Variants in EDIL3 observed in about 807,000 individuals in gnomAD.
EDIL3 encodes the protein EGF like and discoidin domains 3.
Under a neutral mutation model 67.4 loss-of-function variants are expected in EDIL3, and 37 were observed. The ratio of observed to expected loss-of-function variants is 0.55; its 90% confidence interval spans 0.42 to 0.72. EDIL3 has a LOEUF of 0.72. EDIL3 is among the 30% of genes least tolerant of loss of function. The pLI, the probability that EDIL3 is intolerant of heterozygous loss-of-function variation, is 0.00. For synonymous variants in EDIL3, 195 were observed against 196.3 expected (o/e 0.99, Z 0.05); for missense variants, 527 against 586.3 (o/e 0.90, Z 1.04).
At chr5:84,078,410 A>C (rs1465469465) in intron 6 of EDIL3, among the ~76,000 whole-genome samples, 1 of 152,214 alleles carries the variant, frequency 6.6e-6, no homozygotes, top group Non-Finnish European at 1.5e-5. Context: ...AAAAGAAACA[A>C]GATAATTAAA....
intron 1 of EDIL3, among the ~76,000 whole-genome samples, chr5:84,378,198 A>G (rs1748006642): frequency 6.6e-6 from 1 of 152,198 alleles, no homozygotes; most frequent in Non-Finnish European, 1.5e-5. Context: ...TTCACCATTA[A>G]GCAGGTTTTC....
intron 5 of EDIL3, among the ~76,000 whole-genome samples, chr5:84,122,296 C>T (rs1387270639): frequency 6.6e-6 from 1 of 151,996 alleles, no homozygotes; most frequent in Non-Finnish European, 1.5e-5. Context: ...GGAGCCTGCA[C>T]ATACATACTG....
intron 3 of EDIL3, among the ~76,000 whole-genome samples, chr5:84,216,212 G>T (rs1285485215): frequency 6.6e-6 from 1 of 152,196 alleles, no homozygotes; most frequent in African/African-American, 2.4e-5. Context: ...GATTAAGGAA[G>T]AATATATATT....
At position 84,221,577 on chromosome 5, in the gene EDIL3, G is replaced by T. The variant is rs529231479; in HGVS notation, c.226+8278C>A. On this transcript the variant is annotated intron_variant, in intron 3 of 10. Coordinates refer to ENST00000296591, the MANE Select transcript of EDIL3 (RefSeq NM_005711.5). ...AGTTTAATTTTTAAAAAAAGGAAAC[G>T]TAAGCACTATTTGGTCTTTCCACTA... 2.0e-5 allele frequency among the ~76,000 whole-genome samples: 3 copies of T among 152,042 alleles called. No individual in the cohort carries two copies. The East Asian group carries it at 5.8e-4, about 29-fold the overall frequency.
chr5:84,074,243 C>G (rs1009675250), intron 6 of EDIL3, among the ~76,000 whole-genome samples: 2 of 146,538 alleles, frequency 1.4e-5, no homozygotes, highest in African/African-American at 5.2e-5. Flanking sequence ...ACCATAAACA[C>G]CCGAGAAGAA....
chr5:84,175,036 A>G (rs957398087), intron 4 of EDIL3, among the ~76,000 whole-genome samples: 1 of 152,144 alleles, frequency 6.6e-6, no homozygotes, highest in Non-Finnish European at 1.5e-5. Flanking sequence ...TGAAAATGCT[A>G]TTTAAACTGC....
At chr5:84,017,060 A>C (rs150734118) in intron 9 of EDIL3, among the ~76,000 whole-genome samples, 1 of 152,330 alleles carries the variant, frequency 6.6e-6, no homozygotes, top group Non-Finnish European at 1.5e-5. Context: ...AGAATAAGTG[A>C]GGAAGATATC....
chr5:84,039,812 A>G (rs1057250733), intron 9 of EDIL3, among the ~76,000 whole-genome samples: 1 of 152,022 alleles, frequency 6.6e-6, no homozygotes, highest in Non-Finnish European at 1.5e-5. Flanking sequence ...AACTTAAAGT[A>G]TAATAATAAT....
In EDIL3 at chr5:84,374,782, GT is replaced by G. The variant is rs566827017; in HGVS notation, c.67+9525del. On this transcript the variant is annotated intron_variant, in intron 1 of 10. Transcript: ENST00000296591. ...GAGTAAGTTCTCAGGAGATTAGATG[GT>G]TTTATAAGTGTTTGGAAGTTCCTCC... Among the ~76,000 whole-genome samples, 22 of 152,104 alleles carry G rather than the reference GT, an allele frequency of 1.4e-4. 1 individual carries two copies. The South Asian group carries it at 4.6e-3, about 32-fold the overall frequency.
intron 6 of EDIL3, among the ~76,000 whole-genome samples, chr5:84,094,376 T>C (rs931414152): frequency 3.3e-5 from 5 of 152,194 alleles, no homozygotes; most frequent in Admixed American, 3.3e-4. Context: ...AATGGGAATA[T>C]AGTTTAGTAT....
At chr5:84,119,343 G>A (rs1385962550) in intron 5 of EDIL3, among the ~76,000 whole-genome samples, 1 of 148,498 alleles carries the variant, frequency 6.7e-6, no homozygotes, top group Non-Finnish European at 1.5e-5. Context: ...TTAATCATGA[G>A]CTGTTACCAA....
chr5:84,274,397 G>A (rs1288701531), intron 1 of EDIL3, among the ~76,000 whole-genome samples: 1 of 152,000 alleles, frequency 6.6e-6, no homozygotes, highest in Non-Finnish European at 1.5e-5. Flanking sequence ...ATCACACCAG[G>A]CCCTAATATA....
chr5:83,972,825 CAT>C (rs1324110006), intron 9 of EDIL3, among the ~76,000 whole-genome samples: 9 of 151,994 alleles, frequency 5.9e-5, no homozygotes, highest in Non-Finnish European at 7.4e-5. Flanking sequence ...TAAGTCATGA[CAT>C]ATTTTTTAAA....
intron 5 of EDIL3, among the ~76,000 whole-genome samples, chr5:84,122,410 G>A (rs532919823): frequency 3.9e-5 from 6 of 151,986 alleles, no homozygotes; most frequent in South Asian, 4.2e-4. Context: ...TGTGCACAAC[G>A]TGCAGGTTTG....
At chr5:84,355,509 A>G (rs1747462248) in intron 1 of EDIL3, among the ~76,000 whole-genome samples, 1 of 151,846 alleles carries the variant, frequency 6.6e-6, no homozygotes, top group African/African-American at 2.4e-5. Flanking sequence ...TTCTCCATCC[A>G]GTTTGTTGGT....
intron 1 of EDIL3, among the ~76,000 whole-genome samples, chr5:84,314,322 A>G (rs571242764): frequency 2.0e-5 from 3 of 152,354 alleles, no homozygotes; most frequent in African/African-American, 4.8e-5. Context: ...AGTAACTCCA[A>G]TGACAAATCT....
rs1168672699 is a variant in EDIL3, at chr5:83,963,357, C to T, written c.1141G>A (p.Asp381Asn). The change falls in exon 10 of 11, where the codon GAT becomes AAT. Residue 381 changes from aspartate (D) to asparagine (N), a missense_variant. By Grantham distance (23) the Asp-to-Asn change is conservative. This residue lies in a region of EDIL3 where 494 missense variants were observed against 522.5 expected (regional missense o/e 0.95). Coordinates refer to ENST00000296591, the MANE Select transcript of EDIL3 (RefSeq NM_005711.5). ...GTCACTTTGGTTGGAACAAGAAGAT[C>T]CACCTTAAAAAAAAGAAAAATACAG... ...HNDQSQWLQV[D>N]LLVPTKVTGI... 6.3e-7 allele frequency: 1 copy of T among 1,591,092 alleles called. No homozygotes were observed. Among genetic ancestry groups the T allele is most frequent in the South Asian group, 1.2e-5 (1 of 86,948 alleles).
At chr5:84,325,692 T>C (rs1392894312) in intron 1 of EDIL3, among the ~76,000 whole-genome samples, 1 of 152,066 alleles carries the variant, frequency 6.6e-6, no homozygotes, top group East Asian at 1.9e-4. Context: ...ACATTCATGT[T>C]CATAGCAGCA....
chr5:84,010,745 T>C (rs73771571), intron 9 of EDIL3, among the ~76,000 whole-genome samples: 6,547 of 152,282 alleles, frequency 0.043, 260 homozygotes, highest in South Asian at 0.12. Flanking sequence ...TAAATAAATC[T>C]GGGATCTGCT....
Sources: gnomAD v4.1 joint callset for allele counts (sites outside exome capture counted in the v4.1 genomes callset) on GRCh38, gnomAD v4.1.1 for gene constraint, gnomAD v4.1.1 regional missense constraint, MANE v1.5 for transcripts, NCBI Gene and HGNC (gene_info 2026-07-23, HGNC 2026-07-21) for gene names.